CELF2: variants seen among roughly 807,000 people sequenced by gnomAD.
CELF2 encodes the protein CUGBP Elav-like family member 2, also known as CUG triplet repeat RNA-binding protein 2.
Under a neutral mutation model 62.6 loss-of-function variants are expected in CELF2, and 8 were observed. That is an observed-to-expected ratio of 0.13 (90% CI 0.07 to 0.23). The LOEUF is 0.23. CELF2 is among the 10% of genes least tolerant of loss of function. The pLI is 1.00. For missense variants in CELF2, 333 were observed against 671.0 expected, an observed-to-expected ratio of 0.50 and a Z score of 5.56; for synonymous variants, 258 against 250.0, an observed-to-expected ratio of 1.03 and a Z score of -0.30.
At chr10:11,233,822 G>A (rs1356974540) in intron 3 of CELF2, among the ~76,000 whole-genome samples, 1 of 152,186 alleles carries the variant, frequency 6.6e-6, no homozygotes, top group East Asian at 1.9e-4. Flanking sequence ...GGTAATAAAG[G>A]CACAGCAAGG....
At chr10:11,201,929 G>A (rs2059310034) in intron 2 of CELF2, among the ~76,000 whole-genome samples, 1 of 151,614 alleles carries the variant, frequency 6.6e-6, no homozygotes, top group Non-Finnish European at 1.5e-5. Flanking sequence ...AGAATCCTGT[G>A]TTGTAAGGAA....
Position 11,217,468 on chromosome 10 carries a change from G to A in CELF2, c.315G>A (p.Glu105=). ...VTFYTRKAAL[E]AQNALHNIKT... is the part of the protein sequence containing the mutation. Reference sequence around the variant, plus strand: ...TTTATACAAGAAAAGCTGCACTTGAGGCCCAGAATGCACTGCACAATATTA... The same window carrying A: ...TTTATACAAGAAAAGCTGCACTTGAAGCCCAGAATGCACTGCACAATATTA... Residue 105 remains glutamate, a synonymous_variant, in exon 3 of 13, where the codon GAG becomes GAA. Coordinates refer to ENST00000633077, the MANE Select transcript of CELF2 (RefSeq NM_001326342.2). The surrounding 1 kb of genome is among the most constrained non-coding windows in gnomAD (Gnocchi z 5.6). 1.5e-5 allele frequency: 25 copies of A among 1,613,002 alleles called. No homozygotes were observed. The highest frequency in any genetic ancestry group is 2.1e-5 in the Non-Finnish European group (25 of 1,179,272).
At chr10:10,748,590 T>C in the CELF2 span, among the ~76,000 whole-genome samples, 1 of 151,186 alleles carries the variant, frequency 6.6e-6, no homozygotes, top group Non-Finnish European at 1.5e-5. Context: ...CTACTAAAAA[T>C]ACAAAAAAGT....
At chr10:10,810,435 T>A (rs1367608743) in intron 1 of CELF2, among the ~76,000 whole-genome samples, 1 of 152,118 alleles carries the variant, frequency 6.6e-6, no homozygotes, top group Non-Finnish European at 1.5e-5. Context: ...TTCCAATTAG[T>A]TTTTCTTTGC....
the CELF2 span, among the ~76,000 whole-genome samples, chr10:10,618,424 T>G: frequency 9.7e-3 from 1,484 of 152,208 alleles, 35 homozygotes; most frequent in African/African-American, 0.033. Context: ...GGCTTCAGTA[T>G]GAAATTTTTC....
intron 1 of CELF2, among the ~76,000 whole-genome samples, chr10:11,085,050 T>C: frequency 6.6e-6 from 1 of 152,222 alleles, no homozygotes; most frequent in East Asian, 1.9e-4. Flanking sequence ...ACAATGATAT[T>C]CTCAGTATTT....
chr10:11,015,759 A>C (rs923799073), upstream of CELF2, among the ~76,000 whole-genome samples: 1 of 152,230 alleles, frequency 6.6e-6, no homozygotes, highest in African/African-American at 2.4e-5. The surrounding 1 kb of genome is among the most constrained non-coding windows in gnomAD (Gnocchi z 4.8). Flanking sequence ...CTTTGAATCC[A>C]CTATTGCCTC....
At chr10:11,133,259 G>GC (rs1359477587) in intron 1 of CELF2, among the ~76,000 whole-genome samples, 1 of 152,166 alleles carries the variant, frequency 6.6e-6, no homozygotes, top group African/African-American at 2.4e-5. Context: ...GATTGTTAGA[G>GC]CCTTGAGTTG....
At chr10:11,279,211 G>A (rs574699246) in intron 8 of CELF2, among the ~76,000 whole-genome samples, 15 of 152,274 alleles carry the variant, frequency 9.9e-5, no homozygotes, top group Non-Finnish European at 1.6e-4. Flanking sequence ...AAACTGCTTC[G>A]TTTCAATTCT....
intron 1 of CELF2, among the ~76,000 whole-genome samples, chr10:10,866,607 C>CAAAAA (rs55875778): frequency 5.7e-5 from 3 of 52,514 alleles, no homozygotes; most frequent in African/African-American, 8.6e-5. Flanking sequence ...TCCATCCTCT[C>CAAAAA]AAAAAAAAAA....
At chr10:11,182,977 C>T (rs1416520194) in intron 2 of CELF2, among the ~76,000 whole-genome samples, 2 of 152,166 alleles carry the variant, frequency 1.3e-5, no homozygotes, top group African/African-American at 4.8e-5. Context: ...TCAATGGAGA[C>T]ATAATTGATA....
chr10:11,235,343 T>G (rs956259444), intron 3 of CELF2, among the ~76,000 whole-genome samples: 3 of 152,244 alleles, frequency 2.0e-5, no homozygotes, highest in Non-Finnish European at 4.4e-5. Flanking sequence ...GTCTCACATA[T>G]TCCTCATCTG....
At chr10:10,634,550 G>A in the CELF2 span, among the ~76,000 whole-genome samples, 1 of 152,012 alleles carries the variant, frequency 6.6e-6, no homozygotes, top group Admixed American at 6.6e-5. Flanking sequence ...GGTGTACAGT[G>A]CAAATATTCC....
rs1413044422 is a variant in CELF2 at position 10,983,777 on chromosome 10, A to C, written c.89+63778A>C. On this transcript the variant is annotated intron_variant, in intron 2 of 13. Coordinates refer to the CELF2 transcript ENST00000636488. The surrounding 1 kb of genome is among the most constrained non-coding windows in gnomAD (Gnocchi z 5.2). ...AAAACAGGATTTCACCATGTTGGCC[A>C]GGCTGGTCTTGAACTCCTCACAGGT... Among the ~76,000 whole-genome samples the C allele has an allele frequency of 6.6e-6, 1 of 152,190 alleles. No individual in the cohort carries two copies. Among genetic ancestry groups the C allele is most frequent in the Non-Finnish European group, 1.5e-5 (1 of 68,032 alleles).
At chr10:10,897,949 C>T (rs1771899097) in intron 1 of CELF2, among the ~76,000 whole-genome samples, 2 of 152,182 alleles carry the variant, frequency 1.3e-5, no homozygotes, top group Non-Finnish European at 1.5e-5. Flanking sequence ...GATGAGAGGC[C>T]AATGTGGTCT....
the CELF2 span, among the ~76,000 whole-genome samples, chr10:10,476,457 A>T: frequency 6.6e-6 from 1 of 152,242 alleles, no homozygotes; most frequent in Non-Finnish European, 1.5e-5. Context: ...AAGGGATTTG[A>T]TCCAAAAATC....
chr10:10,518,122 A>G, the CELF2 span, among the ~76,000 whole-genome samples: 1 of 152,204 alleles, frequency 6.6e-6, no homozygotes, highest in Non-Finnish European at 1.5e-5. Flanking sequence ...CTTCTCAACA[A>G]TAACACCCAG....
At chr10:10,658,331 C>T in the CELF2 span, among the ~76,000 whole-genome samples, 2 of 152,202 alleles carry the variant, frequency 1.3e-5, no homozygotes, top group Admixed American at 1.3e-4. Flanking sequence ...ATCACTTCAT[C>T]ATTTCTGTTC....
chr10:11,248,539 G>A (rs187950229), intron 3 of CELF2, among the ~76,000 whole-genome samples: 279 of 152,222 alleles, frequency 1.8e-3, no homozygotes, highest in Admixed American at 3.5e-3. Context: ...ACCAAAGTCA[G>A]TCAACTGCTA....
Sources: gnomAD v4.1 joint callset for allele counts (sites outside exome capture counted in the v4.1 genomes callset) on GRCh38, gnomAD v4.1.1 for gene constraint, Gnocchi (gnomAD v3.1) non-coding constraint, MANE v1.5 for transcripts, NCBI Gene and HGNC (gene_info 2026-07-23, HGNC 2026-07-21) for gene names.